The following ERC2 variants were observed in gnomAD, a reference collection of about 807,000 sequenced individuals.
ERC2 encodes the protein ELKS/RAB6-interacting/CAST family member 2.
In ERC2, 42 loss-of-function variants were observed where a neutral mutation model predicts 114.8. The ratio of observed to expected loss-of-function variants is 0.37; its 90% CI spans 0.29 to 0.47. The LOEUF is 0.47. Ranked by LOEUF, ERC2 falls within the 20% of genes least tolerant of loss-of-function variation. The probability of loss-of-function intolerance (pLI) is 0.99; values close to 1 mark genes in which losing one functional copy is unlikely to be tolerated. For synonymous variants in ERC2, 454 were observed against 425.5 expected (o/e 1.07, Z -0.82); for missense variants, 939 against 1,150.7 (o/e 0.82, Z 2.66).
At chr3:56,130,012 T>C (rs2149885186) in intron 6 of ERC2, among the ~76,000 whole-genome samples, 1 of 152,324 alleles carries the variant, frequency 6.6e-6, no homozygotes, top group South Asian at 2.1e-4. Context: ...TTGGAAAGTT[T>C]TTGATTAAAA....
At chr3:56,269,718 T>C (rs1307500223) in intron 3 of ERC2, among the ~76,000 whole-genome samples, 1 of 152,114 alleles carries the variant, frequency 6.6e-6, no homozygotes, top group African/African-American at 2.4e-5. Flanking sequence ...ATAATAGACA[T>C]GGTTAATCAT....
intron 4 of ERC2, among the ~76,000 whole-genome samples, chr3:56,151,982 C>T (rs1344244197): frequency 6.6e-6 from 1 of 152,148 alleles, no homozygotes; most frequent in Non-Finnish European, 1.5e-5. Flanking sequence ...TATTTTAAAA[C>T]AATATATGTA....
At chr3:55,832,398 T>C (rs1359250028) in intron 14 of ERC2, among the ~76,000 whole-genome samples, 1 of 152,152 alleles carries the variant, frequency 6.6e-6, no homozygotes, top group Non-Finnish European at 1.5e-5. Context: ...CGGGTACTCC[T>C]CTGAGACAAA....
intron 3 of ERC2, 106 bp downstream of exon 3, chr3:56,295,913 G>A: frequency 7.2e-6 from 9 of 1,254,208 alleles, no homozygotes; most frequent in Non-Finnish European, 9.7e-6. Flanking sequence ...GATGACAAAG[G>A]GAATTTTGTT....
chr3:56,416,804 A>G (rs1024530013), intron 2 of ERC2, among the ~76,000 whole-genome samples: 1 of 151,864 alleles, frequency 6.6e-6, no homozygotes, highest in Non-Finnish European at 1.5e-5. Flanking sequence ...TTTTTCTATT[A>G]CTCTAACCTC....
intron 17 of ERC2, among the ~76,000 whole-genome samples, chr3:55,555,760 A>G (rs1021345697): frequency 1.3e-5 from 2 of 152,248 alleles, no homozygotes; most frequent in Non-Finnish European, 2.9e-5. Context: ...GCAGAGAAGC[A>G]GATTAATCAG....
At chr3:55,523,695 C>G (rs995159222) in intron 17 of ERC2, among the ~76,000 whole-genome samples, 5 of 152,236 alleles carry the variant, frequency 3.3e-5, no homozygotes, top group African/African-American at 1.2e-4. Flanking sequence ...GTCTTGCTCA[C>G]TGAAGTGTTT....
intron 17 of ERC2, among the ~76,000 whole-genome samples, chr3:55,552,158 C>T (rs528751394): frequency 2.4e-4 from 36 of 152,256 alleles, no homozygotes; most frequent in African/African-American, 8.2e-4. Context: ...TAGGCCCAAT[C>T]GGCATGCCCA....
chr3:55,843,771 C>T (rs953973497), intron 14 of ERC2, among the ~76,000 whole-genome samples: 4 of 152,208 alleles, frequency 2.6e-5, no homozygotes, highest in African/African-American at 9.6e-5. Flanking sequence ...TGGCTCCTTC[C>T]TTTGCAAAGG....
intron 17 of ERC2, among the ~76,000 whole-genome samples, chr3:55,635,805 C>T (rs889242677): frequency 1.3e-5 from 2 of 152,220 alleles, no homozygotes; most frequent in African/African-American, 4.8e-5. Flanking sequence ...CAACTTCACT[C>T]ATCCATCACT....
intron 17 of ERC2, among the ~76,000 whole-genome samples, chr3:55,615,627 A>G (rs2059091081): frequency 6.6e-6 from 1 of 152,228 alleles, no homozygotes; most frequent in Non-Finnish European, 1.5e-5. Context: ...AGCCTAATTC[A>G]TAAAACTGTA....
At chr3:55,761,366 AT>A (rs1219384408) in intron 14 of ERC2, among the ~76,000 whole-genome samples, 2 of 151,966 alleles carry the variant, frequency 1.3e-5, no homozygotes, top group Admixed American at 1.3e-4. Context: ...CCTGCTCAAT[AT>A]TTGAGATGTG....
chr3:55,548,951 T>C (rs1381264112), intron 17 of ERC2, among the ~76,000 whole-genome samples: 1 of 151,986 alleles, frequency 6.6e-6, no homozygotes, highest in East Asian at 1.9e-4. Flanking sequence ...AAACCTAGAG[T>C]TTTATGTGAA....
intron 13 of ERC2, among the ~76,000 whole-genome samples, chr3:55,899,635 G>T (rs1183899889): frequency 6.6e-6 from 1 of 152,080 alleles, no homozygotes; most frequent in African/African-American, 2.4e-5. Flanking sequence ...TTAACGTAAA[G>T]GAAAGATGCT....
At chr3:55,701,162 A>G (rs1046222273) in intron 15 of ERC2, among the ~76,000 whole-genome samples, 2 of 152,212 alleles carry the variant, frequency 1.3e-5, no homozygotes, top group South Asian at 2.1e-4. Flanking sequence ...GTCTGGACCT[A>G]ACATTGTGCA....
chr3:56,213,574 ACT>A (rs1438905918), intron 3 of ERC2, among the ~76,000 whole-genome samples: 1 of 152,066 alleles, frequency 6.6e-6, no homozygotes, highest in Non-Finnish European at 1.5e-5. Context: ...GCCTCTGTAG[ACT>A]CTGCCTCTGG....
chr3:55,853,739 C>T (rs1208182940), intron 14 of ERC2, among the ~76,000 whole-genome samples: 3 of 152,154 alleles, frequency 2.0e-5, no homozygotes, highest in East Asian at 1.9e-4. Context: ...AGTATAATGT[C>T]GGCTGCCAGG....
intron 1 of ERC2, among the ~76,000 whole-genome samples, chr3:56,466,783 A>G (rs2063562812): frequency 6.6e-6 from 1 of 152,208 alleles, no homozygotes. Context: ...CAAGTACTGT[A>G]TACTGAGAAA....
chr3:56,259,022 G>T (rs1325277449), intron 3 of ERC2, among the ~76,000 whole-genome samples: 1 of 147,528 alleles, frequency 6.8e-6, no homozygotes. Flanking sequence ...TGCCCAGGCT[G>T]GAGTGCAATG....
Sources: allele counts gnomAD v4.1 joint callset (sites outside exome capture counted in the v4.1 genomes callset), GRCh38; gene constraint gnomAD v4.1.1; transcripts MANE v1.5; gene names NCBI Gene and HGNC (gene_info 2026-07-23, HGNC 2026-07-21).